Variants in ATP11A observed in about 807,000 individuals in gnomAD.
ATP11A encodes the protein ATPase phospholipid transporting 11A, also known as phospholipid-transporting ATPase IH.
In ATP11A, 81 loss-of-function variants were observed where a neutral mutation model predicts 154.4. The observed-to-expected ratio is 0.52, with a 90% confidence interval of 0.44 to 0.63. The LOEUF (loss-of-function observed/expected upper bound fraction) is 0.63, where lower values mean the gene tolerates loss of function less well. Among genes scored for constraint, ATP11A ranks in the 30% least tolerant of loss-of-function variants. The pLI is 0.00. For synonymous variants in ATP11A, 623 were observed against 585.9 expected (o/e 1.06, Z -0.91); for missense variants, 1,316 against 1,474.3 (o/e 0.89, Z 1.76).
At chr13:112,745,039 G>A (rs1020197000) in intron 1 of ATP11A, among the ~76,000 whole-genome samples, 11 of 152,166 alleles carry the variant, frequency 7.2e-5, no homozygotes, top group African/African-American at 2.7e-4. Context: ...TACTAGTTTC[G>A]AGATAAGTTA....
chr13:112,765,104 GC>G (rs1338585050), intron 1 of ATP11A, among the ~76,000 whole-genome samples: 1 of 152,110 alleles, frequency 6.6e-6, no homozygotes, highest in African/African-American at 2.4e-5. Flanking sequence ...TGGGGTGAGT[GC>G]TTCCCAGCCA....
intron 1 of ATP11A, among the ~76,000 whole-genome samples, chr13:112,737,155 G>A (rs1327419478): frequency 6.6e-6 from 1 of 152,234 alleles, no homozygotes; most frequent in Non-Finnish European, 1.5e-5. Flanking sequence ...CAGACAGGAA[G>A]AGTATGTTAT....
At position 112,792,212 on chromosome 13, in the gene ATP11A, A is replaced by G. The variant is rs553555803; in HGVS notation, c.162+6955A>G. Among the ~76,000 whole-genome samples the G allele has an allele frequency of 4.6e-5, 7 of 151,934 alleles. No homozygotes were observed. In the East Asian group the frequency reaches 1.3e-3, roughly 29 times the overall value. On this transcript the variant is annotated intron_variant, in intron 2 of 29. Coordinates refer to ENST00000375645, the MANE Select transcript of ATP11A (RefSeq NM_015205.3). ...GCCCTCAGAAAGGCTGGAGTCTGGAATCTAGGCAGGTAGCTGGCCTGACAG... is the reference window on the plus strand; with the variant it reads ...GCCCTCAGAAAGGCTGGAGTCTGGAGTCTAGGCAGGTAGCTGGCCTGACAG...
intron 28 of ATP11A, among the ~76,000 whole-genome samples, chr13:112,877,361 C>T (rs1278760): frequency 0.36 from 55,201 of 152,106 alleles, 10,207 homozygotes; most frequent in East Asian, 0.48. Flanking sequence ...TCTCTAAGCA[C>T]GGTCCTTGGT....
chr13:112,747,835 C>G (rs1383078112), intron 1 of ATP11A, among the ~76,000 whole-genome samples: 1 of 143,952 alleles, frequency 6.9e-6, no homozygotes, highest in Non-Finnish European at 1.5e-5. Flanking sequence ...AAGACTCCAT[C>G]TCAAAAAAAA....
rs571067235 is a variant in ATP11A at position 112,718,300 on chromosome 13, T to A, written c.39+27845T>A. Among the ~76,000 whole-genome samples the A allele has an allele frequency of 9.8e-5, 15 of 152,384 alleles. No homozygotes were observed. In the East Asian group the frequency reaches 2.3e-3, roughly 23 times the overall value. On this transcript the variant is annotated intron_variant, in intron 1 of 29. Coordinates refer to ENST00000375645, the MANE Select transcript of ATP11A (RefSeq NM_015205.3). ...GGATTTTTTTGACGCTTTAACAATT[T>A]TAAATTTCTTTTCAGGTGACAATGT...
chr13:112,845,105 C>G (rs1379461726), intron 17 of ATP11A, among the ~76,000 whole-genome samples: 3 of 151,512 alleles, frequency 2.0e-5, no homozygotes, highest in African/African-American at 7.3e-5. Flanking sequence ...TTGCCAGCCA[C>G]TAGCGGTACT....
chr13:112,727,881 C>T (rs965229777), intron 1 of ATP11A, among the ~76,000 whole-genome samples: 10 of 152,228 alleles, frequency 6.6e-5, no homozygotes, highest in Admixed American at 3.9e-4. Flanking sequence ...AAGGCTGAGC[C>T]CCATTTCTCA....
chr13:112,845,541 G>GC (rs1398723123), intron 17 of ATP11A, among the ~76,000 whole-genome samples: 11 of 118,988 alleles, frequency 9.2e-5, no homozygotes, highest in African/African-American at 3.9e-4. Flanking sequence ...CAGTCCAGTT[G>GC]CTGGCACTAG....
intron 28 of ATP11A, 103 bp from the exon 29 acceptor site, chr13:112,878,114 T>A: frequency 9.2e-7 from 1 of 1,091,932 alleles, no homozygotes; most frequent in Non-Finnish European, 1.4e-6. Flanking sequence ...GTCTCTTGTT[T>A]CTCTTTCCTT....
intron 25 of ATP11A, among the ~76,000 whole-genome samples, chr13:112,871,351 G>C (rs935153564): frequency 3.9e-5 from 6 of 152,338 alleles, no homozygotes; most frequent in Admixed American, 6.5e-5. Flanking sequence ...ACCCGAGTTT[G>C]CATTATGGAT....
In ATP11A at chr13:112,753,879, A is replaced by C. The variant is rs925914721; in HGVS notation, c.40-31256A>C. 2.6e-5 allele frequency among the ~76,000 whole-genome samples: 4 copies of C among 152,204 alleles called. No individual in the cohort carries two copies. Among genetic ancestry groups the C allele is most frequent in the Non-Finnish European group, 5.9e-5 (4 of 68,034 alleles). ...CCAAAATGCAATGTAGAGTTATTTA[A>C]ATTTAAAAACATGCTGAGGAATTAA... On this transcript the variant is annotated intron_variant, in intron 1 of 29. Transcript: ENST00000375645. The surrounding 1 kb of genome is among the most constrained non-coding windows in gnomAD (Gnocchi z 4.1).
chr13:112,779,896 CT>C (rs1312438337), intron 1 of ATP11A, among the ~76,000 whole-genome samples: 1 of 151,500 alleles, frequency 6.6e-6, no homozygotes, highest in African/African-American at 2.4e-5. Context: ...GAGAGCAAAA[CT>C]CTGTCTCATT....
At chr13:112,839,079 T>C (rs987354591) in intron 16 of ATP11A, among the ~76,000 whole-genome samples, 2 of 152,134 alleles carry the variant, frequency 1.3e-5, no homozygotes, top group African/African-American at 4.8e-5. Context: ...ACCTCAGTCA[T>C]GTGTGCTTTC....
Position 112,785,511 on chromosome 13 carries a change from A to G in ATP11A, c.162+254A>G, listed in dbSNP as rs1016637302. On this transcript the variant is annotated intron_variant, in intron 2 of 29. Coordinates refer to ENST00000375645, the MANE Select transcript of ATP11A (RefSeq NM_015205.3). This position sits in a 1 kb window ranked among gnomAD's most constrained non-coding sequence, Gnocchi z 4.8. The stretch of plus-strand genomic sequence containing the variant: ...GTCTCCATTCTCGGGTGACCGTGCC[A>G]CAGAGGCAGTGCAGGTCTGAAGTCC... Among the ~76,000 whole-genome samples the G allele has an allele frequency of 1.3e-5, 2 of 152,036 alleles. No homozygotes were observed. The highest frequency in any genetic ancestry group is 4.8e-5 in the African/African-American group (2 of 41,418).
At position 112,697,727 on chromosome 13, in the gene ATP11A, G is replaced by GTTTTTT. The variant is rs531749066; in HGVS notation, c.39+7293_39+7298dup. Among the ~76,000 whole-genome samples, 2 of 126,630 alleles carry GTTTTTT rather than the reference G, an allele frequency of 1.6e-5. 1 individual carries two copies. Among genetic ancestry groups the GTTTTTT allele is most frequent in the African/African-American group, 6.5e-5 (2 of 30,922 alleles). 83.1% of individuals were successfully genotyped at this position (126,630 alleles called of 152,430 possible). A position where few individuals can be genotyped will look rare whatever the true frequency, so the allele number is the denominator to read the frequency against. ...GGATTTGTGCCACGACGCCCGGCCA[G>GTTTTTT]TTTTTTTTTTTTTTTTTTTTTTTTT... On this transcript the variant is annotated intron_variant, in intron 1 of 29. Transcript: ENST00000375645. The surrounding 1 kb of genome is among the most constrained non-coding windows in gnomAD (Gnocchi z 4.0).
chr13:112,814,297 A>G (rs2078583479), intron 5 of ATP11A, among the ~76,000 whole-genome samples: 1 of 151,942 alleles, frequency 6.6e-6, no homozygotes. Flanking sequence ...TGCTGGCGTC[A>G]AGTGATCTGC....
rs1459903198 is a variant in ATP11A, at chr13:112,770,674, C to T, written c.40-14461C>T. ...AGGGCCTGTTTGCGTTTATTACACC[C>T]GAGCAAGGCCCGCACGCCCACCAGA... On this transcript the variant is annotated intron_variant, in intron 1 of 29. Transcript: ENST00000375645. Among the ~76,000 whole-genome samples the T allele has an allele frequency of 2.6e-5, 4 of 152,336 alleles. No individual in the cohort carries two copies. The South Asian group carries it at 6.2e-4, about 24-fold the overall frequency.
intron 1 of ATP11A, among the ~76,000 whole-genome samples, chr13:112,714,623 C>T (rs1888215878): frequency 1.3e-5 from 2 of 152,178 alleles, no homozygotes; most frequent in African/African-American, 4.8e-5. Context: ...ACGCGTTCTG[C>T]GTGATGAGAC....
Sources: gnomAD v4.1 joint callset for allele counts (sites outside exome capture counted in the v4.1 genomes callset) on GRCh38, gnomAD v4.1.1 for gene constraint, Gnocchi (gnomAD v3.1) non-coding constraint, MANE v1.5 for transcripts, NCBI Gene and HGNC (gene_info 2026-07-23, HGNC 2026-07-21) for gene names.